MICAL2: variants seen among roughly 807,000 people sequenced by gnomAD.
MICAL2 encodes the protein [F-actin]-monooxygenase MICAL2.
A neutral mutation model predicts 127.3 loss-of-function variants in MICAL2; 77 were observed. The observed-to-expected ratio is 0.60, with a 90% confidence interval of 0.50 to 0.73. The LOEUF (loss-of-function observed/expected upper bound fraction) is 0.73. Ranked by LOEUF, MICAL2 falls within the 30% of genes least tolerant of loss-of-function variation. The pLI, the probability that MICAL2 is intolerant of heterozygous loss-of-function variation, is 0.00. For missense variants in MICAL2, 1,351 were observed against 1,434.4 expected (o/e 0.94, Z 0.94); for synonymous variants, 570 against 551.1 (o/e 1.03, Z -0.48).
At chr11:12,294,804 C>T (rs747115122), downstream of MICAL2, 6 of 1,424,532 alleles carry the variant, frequency 4.2e-6, no homozygotes, top group South Asian at 5.9e-5. Flanking sequence ...GCAGCTCCTC[C>T]TCCTCCTCCT....
chr11:12,304,491 C>T (rs1333218797), intron 29 of MICAL2, among the ~76,000 whole-genome samples: 2 of 152,006 alleles, frequency 1.3e-5, no homozygotes, highest in African/African-American at 2.4e-5. Flanking sequence ...AAAAATTAGC[C>T]GGGCGTGGTG....
chr11:12,211,897 C>T (rs537547245), intron 6 of MICAL2, among the ~76,000 whole-genome samples: 11 of 152,174 alleles, frequency 7.2e-5, no homozygotes, highest in Admixed American at 5.2e-4. Flanking sequence ...GCAGGAAAAC[C>T]GCAACTGCTT....
At chr11:12,293,135 G>C (rs1475178221), downstream of MICAL2, among the ~76,000 whole-genome samples, 1 of 152,196 alleles carries the variant, frequency 6.6e-6, no homozygotes, top group East Asian at 1.9e-4. Flanking sequence ...ACATACCTAT[G>C]GGTGGATCAT....
Position 12,223,442 on chromosome 11 carries a change from A to G in MICAL2, c.1481A>G (p.Glu494Gly), listed in dbSNP as rs748913985. The G allele has an allele frequency of 9.9e-6, 16 of 1,613,924 alleles. No individual in the cohort carries two copies. Among genetic ancestry groups the G allele is most frequent in the Non-Finnish European group, 1.3e-5 (15 of 1,179,976 alleles). ...CATTTGTATATCACTAAGGAGCTGG[A>G]GCACTACCCTCTCGAGAGACTGGGC... ...VKHLYITKEL[E>G]HYPLERLGSV... Residue 494 changes from glutamate to glycine, a missense_variant, in exon 12 of 28, where the codon GAG becomes GGG. Glu to Gly is a moderately conservative substitution (Grantham distance 98). This residue lies in a region of MICAL2 where 599 missense variants were observed against 714.9 expected (regional missense o/e 0.84). Transcript: ENST00000683283.
intron 20 of MICAL2, chr11:12,243,031 A>G (rs1860198429): frequency 6.0e-6 from 2 of 330,724 alleles, no homozygotes; most frequent in South Asian, 4.2e-5. Context: ...AGGCATTACT[A>G]TAAGAAGCAC....
chr11:12,205,766 C>T (rs369700107), intron 4 of MICAL2, among the ~76,000 whole-genome samples: 1 of 152,300 alleles, frequency 6.6e-6, no homozygotes, highest in East Asian at 1.9e-4. Context: ...TTGCACTATG[C>T]CTAGCACATA....
In MICAL2 at chr11:12,224,661, TC is replaced by T. The variant is rs774656336; in HGVS notation, c.1541-10del. The stretch of plus-strand genomic sequence containing the variant: ...CTGCAGAGCCTCACTGCCTGCGCTC[TC>T]CTTCTTGCAGAGTCAGATATCCGGC... On this transcript the variant is annotated splice_polypyrimidine_tract_variant and intron_variant, in intron 12 of 27. Coordinates refer to ENST00000683283, the MANE Select transcript of MICAL2 (RefSeq NM_001282663.2). 1 of 1,611,836 alleles carries T rather than the reference TC, an allele frequency of 6.2e-7. No individual in the cohort carries two copies. The highest frequency in any genetic ancestry group is 1.1e-5 in the South Asian group (1 of 91,038).
intron 7 of MICAL2, among the ~76,000 whole-genome samples, chr11:12,213,703 G>C (rs1480163079): frequency 2.0e-5 from 3 of 152,166 alleles, no homozygotes; most frequent in South Asian, 2.1e-4. Flanking sequence ...AGGTTGACAC[G>C]ATCCTTCCCA....
intron 11 of MICAL2, 41 bp from the exon 12 acceptor site, chr11:12,223,369 TG>T: frequency 1.3e-6 from 2 of 1,568,428 alleles, no homozygotes; most frequent in Non-Finnish European, 1.8e-6. Flanking sequence ...GACTAGGATT[TG>T]GGGGAAAACT....
chr11:12,183,590 G>C (rs1232453619), intron 3 of MICAL2, among the ~76,000 whole-genome samples: 1 of 152,166 alleles, frequency 6.6e-6, no homozygotes, highest in African/African-American at 2.4e-5. Context: ...AGGGACTGTG[G>C]AGGTGAGAGG....
Position 12,242,277 on chromosome 11 carries a change from G to A in MICAL2, c.2401G>A (p.Glu801Lys), listed in dbSNP as rs1292300742. 2.5e-6 allele frequency: 4 copies of A among 1,613,978 alleles called. No individual in the cohort carries two copies. In the South Asian group the frequency reaches 4.4e-5, roughly 18 times the overall value. The change falls in exon 19 of 28, where the codon GAG becomes AAG. Residue 801 changes from glutamate (E) to lysine (K), a missense_variant. By Grantham distance (56) the Glu-to-Lys change is moderately conservative. This residue lies in a region of MICAL2 where 752 missense variants were observed against 719.4 expected (regional missense o/e 1.05). Transcript: ENST00000683283. ...RELKQVSAGSECLSRPWRARA... is the reference protein window; with the variant it reads ...RELKQVSAGSKCLSRPWRARA... ...GCTCAAGCAAGTGTCTGCTGGCAGT[G>A]AGTGCCTGAGCAGACCTTGGAGAGC...
chr11:12,166,464 A>C (rs116925072), intron 3 of MICAL2, among the ~76,000 whole-genome samples: 4,424 of 152,318 alleles, frequency 0.029, 90 homozygotes, highest in Non-Finnish European at 0.045. Context: ...CACTTTAATT[A>C]ATCATTCATC....
chr11:12,142,709 T>G (rs1183623184), intron 2 of MICAL2, among the ~76,000 whole-genome samples: 1 of 152,228 alleles, frequency 6.6e-6, no homozygotes, highest in Admixed American at 6.5e-5. Flanking sequence ...TATTACCTTG[T>G]TTTTCCTCAT....
chr11:12,170,192 A>G (rs1182136313), intron 3 of MICAL2, among the ~76,000 whole-genome samples: 1 of 152,134 alleles, frequency 6.6e-6, no homozygotes, highest in Admixed American at 6.5e-5. Flanking sequence ...TCTCACTCCT[A>G]TAACCCCAGC....
chr11:12,330,883 CAGAG>C lies in MICAL2; in HGVS notation c.5515+3632_5515+3635del, dbSNP rs1201995121. Among the ~76,000 whole-genome samples the C allele has an allele frequency of 1.4e-3, 153 of 112,894 alleles. 3 individuals are homozygous for C. Among genetic ancestry groups the C allele is most frequent in the African/African-American group, 4.4e-3 (113 of 25,592 alleles). The allele number at this position is 112,894 out of a possible 152,430, so 74.1% of individuals were successfully genotyped here. On this transcript the variant is annotated intron_variant, in intron 32 of 34. Transcript: ENST00000646065. ...GGGTAGAGAGAGAGAGAGAGAGAGACAGAGAGAGAGAGAGAGAGTGTGTGTGTGT... is the reference window on the plus strand; with the variant it reads ...GGGTAGAGAGAGAGAGAGAGAGAGACAGAGAGAGAGAGAGTGTGTGTGTGT...
At chr11:12,157,905 G>T (rs1336246926) in intron 2 of MICAL2, among the ~76,000 whole-genome samples, 1 of 152,082 alleles carries the variant, frequency 6.6e-6, no homozygotes, top group Non-Finnish European at 1.5e-5. Flanking sequence ...TTTCTATGAG[G>T]TTCCCTAGTT....
At position 12,204,302 on chromosome 11, in the gene MICAL2, C is replaced by A. The variant is rs755905050; in HGVS notation, c.317C>A (p.Ala106Asp). ...GGCTTGCGCACTGCCATTGAACTTG[C>A]CTACCTGGGAGCCAAAGTGGTCGTG... is the stretch of plus-strand genomic sequence containing the variant. ...PCGLRTAIELAYLGAKVVVVE... is the reference protein window; with the variant it reads ...PCGLRTAIELDYLGAKVVVVE... Residue 106 changes from alanine (A) to aspartate (D), a missense_variant, in exon 4 of 28, where the codon GCC (alanine) becomes GAC (aspartate). By Grantham distance (126) the Ala-to-Asp change is moderately radical. This residue lies in a region of MICAL2 where 599 missense variants were observed against 714.9 expected (regional missense o/e 0.84). Transcript: ENST00000683283. The A allele has an allele frequency of 8.1e-6, 13 of 1,614,114 alleles. No homozygotes were observed. The highest frequency in any genetic ancestry group is 1.1e-5 in the Non-Finnish European group (13 of 1,180,034).
At chr11:12,350,621 A>C (rs1939028793) in intron 33 of MICAL2, among the ~76,000 whole-genome samples, 2 of 151,950 alleles carry the variant, frequency 1.3e-5, no homozygotes, top group Non-Finnish European at 2.9e-5. Flanking sequence ...AAATACTATC[A>C]CTCTTCCCTG....
intron 3 of MICAL2, among the ~76,000 whole-genome samples, chr11:12,175,213 C>T (rs1277701654): frequency 1.1e-4 from 16 of 152,150 alleles, no homozygotes; most frequent in East Asian, 3.9e-4. Flanking sequence ...CGATGGCTCA[C>T]GTCTGTAATC....
Sources: allele counts gnomAD v4.1 joint callset (sites outside exome capture counted in the v4.1 genomes callset), GRCh38; gene constraint gnomAD v4.1.1; regional missense constraint gnomAD v4.1.1; transcripts MANE v1.5; gene names NCBI Gene and HGNC (gene_info 2026-07-23, HGNC 2026-07-21).